Variants in PLXNA1 observed in about 807,000 individuals in gnomAD.
PLXNA1 encodes plexin A1.
Under a neutral mutation model 191.7 loss-of-function variants are expected in PLXNA1, and 77 were observed. The ratio of observed to expected loss-of-function variants is 0.40; its 90% CI spans 0.33 to 0.49. The LOEUF (loss-of-function observed/expected upper bound fraction) is 0.49, where lower values mean the gene tolerates loss of function less well. Ranked by LOEUF, PLXNA1 falls within the 20% of genes least tolerant of loss-of-function variation. The pLI is 0.63. For synonymous variants in PLXNA1, 1,137 were observed against 1,156.4 expected (o/e 0.98, Z 0.34); for missense variants, 2,110 against 2,660.2 (o/e 0.79, Z 4.55).
chr3:127,009,323 G>A (rs1239657574), intron 9 of PLXNA1, among the ~76,000 whole-genome samples: 2 of 152,064 alleles, frequency 1.3e-5, no homozygotes, highest in Non-Finnish European at 2.9e-5. Context: ...CTTGGGGAGT[G>A]GAGGAAGTGG....
At chr3:126,994,445 A>G (rs757005827) in intron 3 of PLXNA1, among the ~76,000 whole-genome samples, 1 of 151,828 alleles carries the variant, frequency 6.6e-6, no homozygotes, top group Non-Finnish European at 1.5e-5. Flanking sequence ...TCAAAGCCTA[A>G]CTTCCCACCA....
chr3:127,034,288 T>G lies in PLXNA1; in HGVS notation c.*271T>G. 1.3e-5 allele frequency: 5 copies of G among 384,968 alleles called. No individual in the cohort carries two copies. Among genetic ancestry groups the G allele is most frequent in the Non-Finnish European group, 1.9e-5 (4 of 212,462 alleles). 23.8% of individuals were successfully genotyped at this position (384,968 alleles called of 1,614,324 possible). Reference sequence around the variant, plus strand: ...TGCTCAGGCTGGCCAAGGACCTTCATTGCCTGGCAAGAGCTGCCCAGTGGC... The same window carrying G: ...TGCTCAGGCTGGCCAAGGACCTTCAGTGCCTGGCAAGAGCTGCCCAGTGGC... On this transcript the variant is annotated 3_prime_UTR_variant, in exon 32 of 32. Transcript: ENST00000393409.
intron 3 of PLXNA1, among the ~76,000 whole-genome samples, chr3:126,992,071 G>A (rs1478803619): frequency 6.6e-6 from 1 of 152,210 alleles, no homozygotes; most frequent in Non-Finnish European, 1.5e-5. Flanking sequence ...TCTTTGGCTG[G>A]TGCTTGAGGA....
At position 127,032,266 on chromosome 3, in the gene PLXNA1, C is replaced by T. The variant is rs550834750; in HGVS notation, c.5232-121C>T. The T allele has an allele frequency of 2.9e-4, 290 of 999,630 alleles. 1 individual carries two copies. The African/African-American group carries it at 4.3e-3, about 15-fold the overall frequency. 61.9% of individuals were successfully genotyped at this position (999,630 alleles called of 1,614,324 possible). On this transcript the variant is annotated intron_variant, in intron 29 of 31. Transcript: ENST00000393409. ...ATGGGCCCTGCACCTCTGTGGGCCTCGTTTCCCCGTCTGCATGGAAAGCCA... is the reference window on the plus strand; with the variant it reads ...ATGGGCCCTGCACCTCTGTGGGCCTTGTTTCCCCGTCTGCATGGAAAGCCA...
intron 20 of PLXNA1, among the ~76,000 whole-genome samples, chr3:127,019,675 G>A (rs1347635235): frequency 6.6e-6 from 1 of 152,240 alleles, no homozygotes; most frequent in Admixed American, 6.5e-5. Flanking sequence ...GGCTGCCACA[G>A]GACTGACACC....
At chr3:126,997,852 C>A (rs900034071) in intron 3 of PLXNA1, among the ~76,000 whole-genome samples, 3 of 152,236 alleles carry the variant, frequency 2.0e-5, no homozygotes, top group African/African-American at 4.8e-5. Flanking sequence ...GGCACGGGCC[C>A]GTCAACACCA....
Position 127,005,189 on chromosome 3 carries a change from A to T in PLXNA1, c.1843A>T (p.Ile615Phe), listed in dbSNP as rs376751815. 6.2e-7 allele frequency: 1 copy of T among 1,612,230 alleles called. No individual in the cohort carries two copies. Among genetic ancestry groups the T allele is most frequent in the Admixed American group, 1.7e-5 (1 of 59,950 alleles). ...TGAGAGCGTCCTGGAGGATGGCCGG[A>T]TCCACTGCCGCTCACCCTCCGCCCG... The part of the protein sequence containing the change: ...ESESVLEDGR[I>F]HCRSPSAREV... The change falls in exon 7 of 32, where the codon ATC becomes TTC. Residue 615 changes from isoleucine (I) to phenylalanine (F), a missense_variant. By Grantham distance (21) the Ile-to-Phe change is conservative. Coordinates refer to ENST00000393409, the MANE Select transcript of PLXNA1 (RefSeq NM_032242.4).
At position 127,034,121 on chromosome 3, in the gene PLXNA1, C is replaced by A; in HGVS notation, c.*104C>A. The A allele has an allele frequency of 1.9e-6, 2 of 1,070,594 alleles. No individual in the cohort carries two copies. Among genetic ancestry groups the A allele is most frequent in the Non-Finnish European group, 2.7e-6 (2 of 745,952 alleles). The allele number at this position is 1,070,594 out of a possible 1,614,324, so 66.3% of individuals were successfully genotyped here. A position where few individuals can be genotyped will look rare whatever the true frequency, so the allele number is the denominator to read the frequency against. On this transcript the variant is annotated 3_prime_UTR_variant, in exon 32 of 32. Coordinates refer to ENST00000393409, the MANE Select transcript of PLXNA1 (RefSeq NM_032242.4). ...GTGGAGTGTCCGGTGGTGCTCGGGC[C>A]GCCGCAGTGCAGCGACTGCCCGGCC...
intron 20 of PLXNA1, 103 bp downstream of exon 20, chr3:127,018,631 TCA>T: frequency 2.2e-6 from 2 of 888,902 alleles, no homozygotes; most frequent in South Asian, 3.2e-5. Context: ...CTGCTTCAGC[TCA>T]GTTTACAATG....
intron 29 of PLXNA1, among the ~76,000 whole-genome samples, chr3:127,030,918 A>G (rs1169382908): frequency 6.6e-6 from 1 of 152,152 alleles, no homozygotes; most frequent in Non-Finnish European, 1.5e-5. Flanking sequence ...TGGAGTACGG[A>G]GCAGGGCCTG....
At chr3:127,028,135 C>G in intron 24 of PLXNA1, 46 bp from the exon 25 acceptor site, 1 of 1,613,032 alleles carries the variant, frequency 6.2e-7, no homozygotes, top group Non-Finnish European at 8.5e-7. Flanking sequence ...CCCCCACCCC[C>G]CAGTTGTGGG....
At position 127,032,674 on chromosome 3, in the gene PLXNA1, A is replaced by T; in HGVS notation, c.5445-12A>T. On this transcript the variant is annotated splice_polypyrimidine_tract_variant and intron_variant, in intron 30 of 31. Coordinates refer to ENST00000393409, the MANE Select transcript of PLXNA1 (RefSeq NM_032242.4). ...ACTCTGCTCATGTGCCCACCTGGCC[A>T]CTCACCTGCAGGTACTATGCAGACA... 1 of 1,612,342 alleles carries T rather than the reference A, an allele frequency of 6.2e-7. No individual in the cohort carries two copies. The highest frequency in any genetic ancestry group is 2.2e-5 in the East Asian group (1 of 44,846).
At chr3:127,009,617 CT>C (rs1301098355) in intron 9 of PLXNA1, among the ~76,000 whole-genome samples, 3 of 151,470 alleles carry the variant, frequency 2.0e-5, no homozygotes, top group East Asian at 1.9e-4. Context: ...GGGCCACCCC[CT>C]GAGACAGGAG....
At chr3:127,013,984 TTAG>T in intron 10 of PLXNA1, 33 bp from the exon 11 acceptor site, 1 of 1,596,826 alleles carries the variant, frequency 6.3e-7, no homozygotes, top group Non-Finnish European at 8.6e-7. Flanking sequence ...TGGAGGCCGC[TTAG>T]CTGGGAAGCC....
chr3:127,018,299 G>T lies in PLXNA1; in HGVS notation c.3666G>T (p.Arg1222=). 1 of 1,600,888 alleles carries T rather than the reference G, an allele frequency of 6.2e-7. No individual in the cohort carries two copies. The highest frequency in any genetic ancestry group is 2.3e-5 in the East Asian group (1 of 44,118). ...NLTGQHKVTV[R]AGGFEFSPGT... is the part of the protein sequence containing the mutation. ...TGGCCTCCACCCACTGGCAGGTGCG[G>T]GCAGGTGGCTTCGAGTTCTCGCCAG... Residue 1222 remains arginine (R), a synonymous_variant, in exon 20 of 32, where the codon CGG becomes CGT. Transcript: ENST00000393409.
chr3:126,984,136 A>T (rs936882287), intron 1 of PLXNA1, among the ~76,000 whole-genome samples: 2 of 151,836 alleles, frequency 1.3e-5, no homozygotes, highest in Admixed American at 1.3e-4. Flanking sequence ...CTGCCAGGGG[A>T]AGGGGGAGTG....
intron 23 of PLXNA1, chr3:127,027,430 C>T (rs2079181792): frequency 1.4e-5 from 5 of 358,018 alleles, no homozygotes; most frequent in African/African-American, 4.3e-5. Context: ...AATATGGGGG[C>T]CCAGCTGGGT....
In PLXNA1 at chr3:127,011,944, C is replaced by G; in HGVS notation, c.2113-14C>G. On this transcript the variant is annotated splice_polypyrimidine_tract_variant and intron_variant, in intron 9 of 31. Transcript: ENST00000393409. ...CTCCGCCCCCGGGCTCAGCCAAACT[C>G]TTCTTATCCCCAGGACTGCCCACAG... 1 of 1,609,264 alleles carries G rather than the reference C, an allele frequency of 6.2e-7. No homozygotes were observed. Among genetic ancestry groups the G allele is most frequent in the Non-Finnish European group, 8.5e-7 (1 of 1,176,288 alleles).
chr3:126,993,216 G>C (rs570905569), intron 3 of PLXNA1, among the ~76,000 whole-genome samples: 1 of 152,342 alleles, frequency 6.6e-6, no homozygotes, highest in Non-Finnish European at 1.5e-5. Flanking sequence ...CTGAGGTACA[G>C]AACAGGGAAC....
Sources: allele counts gnomAD v4.1 joint callset (sites outside exome capture counted in the v4.1 genomes callset), GRCh38; gene constraint gnomAD v4.1.1; transcripts MANE v1.5; gene names NCBI Gene and HGNC (gene_info 2026-07-23, HGNC 2026-07-21).